The following ACOX2 variants were observed in gnomAD, a reference collection of about 807,000 sequenced individuals.
ACOX2 encodes acyl-CoA oxidase 2, also known as peroxisomal acyl-coenzyme A oxidase 2.
A neutral mutation model predicts 77.5 loss-of-function variants in ACOX2; 59 were observed. The ratio of observed to expected loss-of-function variants is 0.76; its 90% CI spans 0.62 to 0.95. The LOEUF (loss-of-function observed/expected upper bound fraction) is 0.95. Among genes scored for constraint, ACOX2 ranks in the 40% least tolerant of loss-of-function variants. The pLI, the probability that ACOX2 is intolerant of heterozygous loss-of-function variation, is 0.00. For missense variants in ACOX2, 837 were observed against 880.4 expected (o/e 0.95, Z 0.62); for synonymous variants, 317 against 340.1 (o/e 0.93, Z 0.75).
At chr3:58,507,649 C>T (rs546551296) in intron 14 of ACOX2, among the ~76,000 whole-genome samples, 1 of 152,266 alleles carries the variant, frequency 6.6e-6, no homozygotes, top group African/African-American at 2.4e-5. Context: ...GGGAGGACTG[C>T]TGTATTTTTA....
At chr3:58,518,075 CAAAAAAAAAAAAA>C (rs763535906) in intron 12 of ACOX2, among the ~76,000 whole-genome samples, 2 of 47,678 alleles carry the variant, frequency 4.2e-5, no homozygotes, top group African/African-American at 1.1e-4. Context: ...AACTCCATCT[CAAAAAAAAAAAAA>C]AAAAAAAAAA....
In ACOX2 at chr3:58,534,220, A is replaced by G. The variant is rs1400048870; in HGVS notation, c.324-75T>C. On this transcript the variant is annotated intron_variant, in intron 3 of 14. Coordinates refer to ENST00000302819, the MANE Select transcript of ACOX2 (RefSeq NM_003500.4). The surrounding 1 kb of genome is among the most constrained non-coding windows in gnomAD (Gnocchi z 4.8). ...CAGGTACCCCCTGCCTGAGCAGAGT[A>G]CAGGAGATAAAGGGCACCTAGCATC... 6.3e-7 allele frequency: 1 copy of G among 1,591,684 alleles called. No individual in the cohort carries two copies. Among genetic ancestry groups the G allele is most frequent in the Non-Finnish European group, 8.5e-7 (1 of 1,170,390 alleles).
At chr3:58,532,719 T>C (rs1035286800) in intron 5 of ACOX2, among the ~76,000 whole-genome samples, 2 of 152,178 alleles carry the variant, frequency 1.3e-5, no homozygotes, top group African/African-American at 4.8e-5. Flanking sequence ...TCTCTGCCTG[T>C]GTCTCCCTCT....
At chr3:58,520,114 C>G (rs1194619597) in intron 12 of ACOX2, among the ~76,000 whole-genome samples, 1 of 152,234 alleles carries the variant, frequency 6.6e-6, no homozygotes, top group East Asian at 1.9e-4. Flanking sequence ...TGGTTTAAAT[C>G]TTGCCTCCTG....
chr3:58,536,829 C>A (rs145721540), intron 1 of ACOX2, among the ~76,000 whole-genome samples: 1 of 152,328 alleles, frequency 6.6e-6, no homozygotes, highest in East Asian at 1.9e-4. Flanking sequence ...CTCTGCTCTC[C>A]TTTTTCTCTT....
intron 13 of ACOX2, among the ~76,000 whole-genome samples, chr3:58,513,252 A>G (rs559094768): frequency 6.6e-6 from 1 of 152,156 alleles, no homozygotes; most frequent in East Asian, 1.9e-4. Context: ...CCTCTCCTCT[A>G]GTCTGTAGGC....
rs149540578 is a variant in ACOX2 at position 58,534,033 on chromosome 3, G to A, written c.436C>T (p.Gln146Ter). Residue 146 changes from glutamine (Q) to a stop codon, truncating the protein, a stop_gained, in exon 4 of 15, where the codon CAG becomes TAG. Transcript: ENST00000302819. LOFTEE classifies it high-confidence loss of function. The surrounding 1 kb of genome is among the most constrained non-coding windows in gnomAD (Gnocchi z 4.8). ...GTCTGTGCATACGTTGCGATGATCT[G>A]GATGTTTTTGCAGAGTGGGTCCCAT... ...AKWDPLCKNI[Q>*]IIATYAQTEL... 3.0e-5 allele frequency: 48 copies of A among 1,614,086 alleles called. No individual in the cohort carries two copies. Among genetic ancestry groups the A allele is most frequent in the Non-Finnish European group, 4.1e-5 (48 of 1,180,048 alleles).
chr3:58,519,251 G>A lies in ACOX2; in HGVS notation c.1633-1828C>T, dbSNP rs2107996578. 6.6e-6 allele frequency among the ~76,000 whole-genome samples: 1 copy of A among 152,212 alleles called. No individual in the cohort carries two copies. The highest frequency in any genetic ancestry group is 1.5e-5 in the Non-Finnish European group (1 of 68,020). ...ATACAAAAATTAGCCAGGTGTGGTG[G>A]TGCACACCTGTAATTCTGGCTACTC... On this transcript the variant is annotated intron_variant, in intron 12 of 14. Transcript: ENST00000302819. The surrounding 1 kb of genome is among the most constrained non-coding windows in gnomAD (Gnocchi z 5.0).
chr3:58,522,568 GGTCTGTAAATGCTGCACTGA>G lies in ACOX2; in HGVS notation c.1540_1559del (p.Ser514ProfsTer7). On this transcript the variant is annotated frameshift_variant, in exon 12 of 15. Coordinates refer to ENST00000302819, the MANE Select transcript of ACOX2 (RefSeq NM_003500.4). LOFTEE classifies it high-confidence loss of function. This position sits in a 1 kb window ranked among gnomAD's most constrained non-coding sequence, Gnocchi z 4.3. The stretch of plus-strand genomic sequence containing the variant: ...GCTGGTCAGCTCCGGATTGCGTCAG[GGTCTGTAAATGCTGCACTGA>G]GTCCTTTATGAGCCTGAAAGCCAAA... 1.9e-6 allele frequency: 3 copies of G among 1,614,098 alleles called. No individual in the cohort carries two copies. Among genetic ancestry groups the G allele is most frequent in the Non-Finnish European group, 2.5e-6 (3 of 1,180,030 alleles).
chr3:58,518,612 G>A (rs1576991905), intron 12 of ACOX2, among the ~76,000 whole-genome samples: 1 of 152,180 alleles, frequency 6.6e-6, no homozygotes. Flanking sequence ...GCAAGGAAGA[G>A]AGAAAGTATA....
In ACOX2 at chr3:58,533,965, A is replaced by T. The variant is rs749235757; in HGVS notation, c.475+29T>A. 1 of 1,613,214 alleles carries T rather than the reference A, an allele frequency of 6.2e-7. No homozygotes were observed. Among genetic ancestry groups the T allele is most frequent in the African/African-American group, 1.3e-5 (1 of 74,902 alleles). ...TCTGGAGTTTTGCAGTGCACAACCT[A>T]AACACCACACGCAGCAGTCCTAGCT... On this transcript the variant is annotated intron_variant, in intron 4 of 14. Coordinates refer to ENST00000302819, the MANE Select transcript of ACOX2 (RefSeq NM_003500.4). This position sits in a 1 kb window ranked among gnomAD's most constrained non-coding sequence, Gnocchi z 5.6.
chr3:58,526,840 C>A lies in ACOX2; in HGVS notation c.1156-184G>T. 1.6e-6 allele frequency: 1 copy of A among 627,754 alleles called. No individual in the cohort carries two copies. Among genetic ancestry groups the A allele is most frequent in the East Asian group, 2.9e-5 (1 of 34,632 alleles). 38.9% of individuals were successfully genotyped at this position (627,754 alleles called of 1,614,324 possible). ...TCAGCTTATGTGACTCACCCAGAGG[C>A]ACACAATTAGGCAATGTAGCTGTAG... On this transcript the variant is annotated intron_variant, in intron 9 of 14. Coordinates refer to ENST00000302819, the MANE Select transcript of ACOX2 (RefSeq NM_003500.4). The surrounding 1 kb of genome is among the most constrained non-coding windows in gnomAD (Gnocchi z 4.3).
chr3:58,513,291 G>A (rs1044205983), intron 13 of ACOX2, among the ~76,000 whole-genome samples: 10 of 152,104 alleles, frequency 6.6e-5, no homozygotes, highest in Non-Finnish European at 7.4e-5. Flanking sequence ...TCTGAAACTC[G>A]TATCCTTCAT....
chr3:58,530,231 T>TGAG (rs1183031779), intron 8 of ACOX2, among the ~76,000 whole-genome samples: 1 of 152,154 alleles, frequency 6.6e-6, no homozygotes, highest in African/African-American at 2.4e-5. Context: ...GGCCAGGCAC[T>TGAG]GAGGATGCAG....
chr3:58,508,556 CCTT>C (rs767048870), intron 14 of ACOX2, among the ~76,000 whole-genome samples: 7 of 152,172 alleles, frequency 4.6e-5, no homozygotes, highest in Admixed American at 1.3e-4. Context: ...TGATTTATCT[CCTT>C]CTTTTTGTTA....
chr3:58,518,814 T>A (rs1482686376), intron 12 of ACOX2, among the ~76,000 whole-genome samples: 1 of 151,362 alleles, frequency 6.6e-6, no homozygotes, highest in Non-Finnish European at 1.5e-5. Flanking sequence ...TTTTTTTGTA[T>A]TTTTAGTAGA....
At position 58,519,014 on chromosome 3, in the gene ACOX2, G is replaced by C. The variant is rs996573457; in HGVS notation, c.1633-1591C>G. Among the ~76,000 whole-genome samples the C allele has an allele frequency of 6.6e-6, 1 of 152,172 alleles. No individual in the cohort carries two copies. Among genetic ancestry groups the C allele is most frequent in the African/African-American group, 2.4e-5 (1 of 41,428 alleles). ...AAATGCAGATTCCAGGGCAGGGCCT[G>C]AGACTGTGCATTTCTAACAAGGTCC... On this transcript the variant is annotated intron_variant, in intron 12 of 14. Coordinates refer to ENST00000302819, the MANE Select transcript of ACOX2 (RefSeq NM_003500.4). This position sits in a 1 kb window ranked among gnomAD's most constrained non-coding sequence, Gnocchi z 5.0.
At chr3:58,511,967 G>T (rs926867387) in intron 13 of ACOX2, among the ~76,000 whole-genome samples, 1 of 152,044 alleles carries the variant, frequency 6.6e-6, no homozygotes, top group African/African-American at 2.4e-5. Context: ...TGAGTACTTG[G>T]ACCTCTTCTC....
rs950528110 is a variant in ACOX2 at position 58,524,231 on chromosome 3, G to A, written c.1526+195C>T. Among the ~76,000 whole-genome samples the A allele has an allele frequency of 3.9e-5, 6 of 152,334 alleles. No homozygotes were observed. The highest frequency in any genetic ancestry group is 4.1e-4 in the South Asian group (2 of 4,830). ...ACTGTGACCAGGATGGGGAAGTGAC[G>A]GGGGTCCATGGCTGATGGGGGGGAC... On this transcript the variant is annotated intron_variant, in intron 11 of 14. Transcript: ENST00000302819. This position sits in a 1 kb window ranked among gnomAD's most constrained non-coding sequence, Gnocchi z 5.5.
Sources: gnomAD v4.1 joint callset for allele counts (sites outside exome capture counted in the v4.1 genomes callset) on GRCh38, gnomAD v4.1.1 for gene constraint, Gnocchi (gnomAD v3.1) non-coding constraint, MANE v1.5 for transcripts, NCBI Gene and HGNC (gene_info 2026-07-23, HGNC 2026-07-21) for gene names.